Variants in TNFAIP6 observed in about 807,000 individuals in gnomAD.
The protein encoded by TNFAIP6 is tumor necrosis factor-inducible gene 6 protein.
TNFAIP6 carries 36 observed loss-of-function variants against 33.7 expected under a neutral mutation model. The observed-to-expected ratio is 1.07, with a 90% CI of 0.82 to 1.41. TNFAIP6 has a LOEUF of 1.41. TNFAIP6 is among the 40% of genes most tolerant of loss of function. The pLI, the probability that TNFAIP6 is intolerant of heterozygous loss-of-function variation, is 0.00. For missense variants in TNFAIP6, 273 were observed against 331.9 expected (o/e 0.82, Z 1.38); for synonymous variants, 113 against 112.8 (o/e 1.00, Z -0.01).
chr2:151,371,655 C>T (rs1684817805), intron 4 of TNFAIP6, among the ~76,000 whole-genome samples: 1 of 151,016 alleles, frequency 6.6e-6, no homozygotes, highest in Non-Finnish European at 1.5e-5. Flanking sequence ...AGTGCAGTGG[C>T]ACAATCTCGG....
At chr2:151,362,566 C>G (rs1163086933) in intron 1 of TNFAIP6, among the ~76,000 whole-genome samples, 10 of 137,106 alleles carry the variant, frequency 7.3e-5, no homozygotes, top group Non-Finnish European at 1.2e-4. Context: ...TCTCGGCTCA[C>G]TGCAAGCTCC....
At chr2:151,365,457 G>A (rs1319018481) in intron 2 of TNFAIP6, among the ~76,000 whole-genome samples, 1 of 152,002 alleles carries the variant, frequency 6.6e-6, no homozygotes, top group Non-Finnish European at 1.5e-5. Context: ...TGGCCAACAT[G>A]GAGAAACCCC....
chr2:151,358,317 T>C (rs749297632), intron 1 of TNFAIP6, among the ~76,000 whole-genome samples: 1 of 152,222 alleles, frequency 6.6e-6, no homozygotes, highest in Non-Finnish European at 1.5e-5. Context: ...CCACTTTGAT[T>C]CTTTCTGTTT....
At chr2:151,365,307 C>A (rs184086536) in intron 2 of TNFAIP6, among the ~76,000 whole-genome samples, 3 of 152,062 alleles carry the variant, frequency 2.0e-5, no homozygotes, top group Non-Finnish European at 1.5e-5. Context: ...CATGCCACTG[C>A]ACTCTAGCCT....
At position 151,379,795 on chromosome 2, in the gene TNFAIP6, A is replaced by T. The variant is rs910550434; in HGVS notation, c.*262A>T. On this transcript the variant is annotated 3_prime_UTR_variant, in exon 6 of 6. Coordinates refer to ENST00000243347, the MANE Select transcript of TNFAIP6 (RefSeq NM_007115.4). ...ATTTTTCTATTTGTGGTATATGTAT[A>T]TATGTACCTATATGTATTTGCATTT... 3 of 202,206 alleles carry T rather than the reference A, an allele frequency of 1.5e-5. No homozygotes were observed. The highest frequency in any genetic ancestry group is 1.7e-4 in the South Asian group (1 of 5,938). 12.5% of individuals were successfully genotyped at this position (202,206 alleles called of 1,614,324 possible). A position where few individuals can be genotyped will look rare whatever the true frequency, so the allele number is the denominator to read the frequency against.
In TNFAIP6 at chr2:151,363,971, A is replaced by C; in HGVS notation, c.123A>C (p.Glu41Asp). 6.2e-7 allele frequency: 1 copy of C among 1,614,130 alleles called. No homozygotes were observed. The highest frequency in any genetic ancestry group is 8.5e-7 in the Non-Finnish European group (1 of 1,179,998). Residue 41 changes from glutamate (E) to aspartate (D), a missense_variant, in exon 2 of 6, where the codon GAA becomes GAC. Coordinates refer to ENST00000243347, the MANE Select transcript of TNFAIP6 (RefSeq NM_007115.4). ...LERAAGVYHR[E>D]ARSGKYKLTY... ...GAGCAGCCGGTGTGTACCACAGAGAAGCACGGTCTGGCAAATACAAGCTCA... is the reference window on the plus strand; with the variant it reads ...GAGCAGCCGGTGTGTACCACAGAGACGCACGGTCTGGCAAATACAAGCTCA...
At chr2:151,358,578 A>T (rs139676795) in intron 1 of TNFAIP6, among the ~76,000 whole-genome samples, 1 of 152,354 alleles carries the variant, frequency 6.6e-6, no homozygotes, top group African/African-American at 2.4e-5. Flanking sequence ...AAAAAAATTG[A>T]ATTTCTTGGG....
intron 5 of TNFAIP6, among the ~76,000 whole-genome samples, chr2:151,378,148 C>T (rs1438581136): frequency 3.3e-5 from 5 of 152,084 alleles, no homozygotes; most frequent in African/African-American, 1.2e-4. Context: ...ATCACTTGAG[C>T]ACAGGAGCTT....
chr2:151,367,121 A>G (rs1280127233), intron 3 of TNFAIP6, among the ~76,000 whole-genome samples: 1 of 152,136 alleles, frequency 6.6e-6, no homozygotes, highest in African/African-American at 2.4e-5. Context: ...GTGTATTATT[A>G]TAAAATCTAT....
chr2:151,366,500 T>C (rs909970479), intron 3 of TNFAIP6, among the ~76,000 whole-genome samples: 6 of 152,060 alleles, frequency 3.9e-5, no homozygotes, highest in African/African-American at 1.4e-4. Context: ...TAACCCCAAA[T>C]CAGGAGTCAA....
In TNFAIP6 at chr2:151,361,083, T is replaced by C. The variant is rs556789774; in HGVS notation, c.95-2860T>C. Among the ~76,000 whole-genome samples, 7 of 152,330 alleles carry C rather than the reference T, an allele frequency of 4.6e-5. No individual in the cohort carries two copies. The South Asian group carries it at 1.4e-3, about 32-fold the overall frequency. Reference sequence around the variant, plus strand: ...TTTTTGTTTTGTTTTGGTTTGGTTTTTTTGTTTTTTGAGATGGAGTCTCAC... The same window carrying C: ...TTTTTGTTTTGTTTTGGTTTGGTTTCTTTGTTTTTTGAGATGGAGTCTCAC... On this transcript the variant is annotated intron_variant, in intron 1 of 5. Coordinates refer to ENST00000243347, the MANE Select transcript of TNFAIP6 (RefSeq NM_007115.4).
chr2:151,374,069 A>G lies in TNFAIP6; in HGVS notation c.664+480A>G, dbSNP rs534469302. Among the ~76,000 whole-genome samples, 5 of 152,340 alleles carry G rather than the reference A, an allele frequency of 3.3e-5. 1 individual carries two copies. The South Asian group carries it at 8.3e-4, about 25-fold the overall frequency. ...TCTGTGAGATTTAAATAGATGTTAC[A>G]TGAGAAGAGGGCTCTAAGGTCAAAT... On this transcript the variant is annotated intron_variant, in intron 5 of 5. Coordinates refer to ENST00000243347, the MANE Select transcript of TNFAIP6 (RefSeq NM_007115.4).
downstream of TNFAIP6, among the ~76,000 whole-genome samples, chr2:151,381,106 G>A (rs1685004069): frequency 6.6e-6 from 1 of 152,088 alleles, no homozygotes; most frequent in Non-Finnish European, 1.5e-5. Flanking sequence ...GGCCTCAGAA[G>A]CAAGATCTCT....
chr2:151,375,570 C>T (rs1294619438), intron 5 of TNFAIP6, among the ~76,000 whole-genome samples: 1 of 151,658 alleles, frequency 6.6e-6, no homozygotes, highest in African/African-American at 2.4e-5. Context: ...TGGCCAGGTG[C>T]AGTGGCACAC....
In TNFAIP6 at chr2:151,377,150, T is replaced by C. The variant is rs116441917; in HGVS notation, c.665-2214T>C. ...CACCTTGCCTGGCTGACTCCCAATT[T>C]ACATTTTCTTTTCTTTTCTTTTCTT... On this transcript the variant is annotated intron_variant, in intron 5 of 5. Transcript: ENST00000243347. Among the ~76,000 whole-genome samples the C allele has an allele frequency of 2.9e-3, 438 of 151,484 alleles. 5 individuals carry two copies. Among genetic ancestry groups the C allele is most frequent in the African/African-American group, 0.01 (424 of 41,252 alleles).
Position 151,379,369 on chromosome 2 carries a change from G to A in TNFAIP6, c.670G>A (p.Val224Ile), listed in dbSNP as rs1684975382. The change falls in exon 6 of 6, where the codon GTC (valine) becomes ATC (isoleucine). Residue 224 changes from valine to isoleucine, a missense_variant. Physicochemically the swap from Val to Ile is conservative, Grantham distance 29. Transcript: ENST00000243347. ...LPDDIISTGNVMTLKFLSDAS... is the reference protein window; with the variant it reads ...LPDDIISTGNIMTLKFLSDAS... ...TGCCTCCTTCCCCGCAACAGGAAAT[G>A]TCATGACCTTGAAGTTTCTAAGTGA... 3 of 1,585,894 alleles carry A rather than the reference G, an allele frequency of 1.9e-6. No homozygotes were observed. Among genetic ancestry groups the A allele is most frequent in the Non-Finnish European group, 2.6e-6 (3 of 1,170,928 alleles).
At chr2:151,369,056 G>C (rs543312900) in intron 3 of TNFAIP6, among the ~76,000 whole-genome samples, 1 of 152,056 alleles carries the variant, frequency 6.6e-6, no homozygotes, top group Non-Finnish European at 1.5e-5. Context: ...AGCCAGACGT[G>C]GTGGCTCATG....
intron 5 of TNFAIP6, 143 bp downstream of exon 5, chr2:151,373,732 G>A (rs374381976): frequency 3.6e-4 from 133 of 371,500 alleles, no homozygotes; most frequent in Non-Finnish European, 5.2e-4. Flanking sequence ...CAGCTTGCTA[G>A]GTTGTAAAAT....
At chr2:151,359,514 A>C (rs1027372678) in intron 1 of TNFAIP6, among the ~76,000 whole-genome samples, 4 of 150,276 alleles carry the variant, frequency 2.7e-5, no homozygotes, top group African/African-American at 4.9e-5. Flanking sequence ...TCAGCCTCCC[A>C]AGTAGCTGGG....
Sources: gnomAD v4.1 joint callset for allele counts (sites outside exome capture counted in the v4.1 genomes callset) on GRCh38, gnomAD v4.1.1 for gene constraint, MANE v1.5 for transcripts, NCBI Gene and HGNC (gene_info 2026-07-23, HGNC 2026-07-21) for gene names.